EEFSEC: variants seen among roughly 807,000 people sequenced by gnomAD.
EEFSEC encodes selenocysteine-specific elongation factor.
A neutral mutation model predicts 42.1 loss-of-function variants in EEFSEC; 43 were observed. That is an observed-to-expected ratio of 1.02 (90% CI 0.80 to 1.32). The LOEUF (loss-of-function observed/expected upper bound fraction) is 1.32, where lower values mean the gene tolerates loss of function less well. Ranked by LOEUF, EEFSEC falls within the 40% of genes most tolerant of loss-of-function variation. EEFSEC has a pLI of 0.00. For synonymous variants in EEFSEC, 354 were observed against 339.1 expected (o/e 1.04, Z -0.48); for missense variants, 745 against 803.6 (o/e 0.93, Z 0.88).
rs551966940 is a variant in EEFSEC at position 128,358,328 on chromosome 3, G to A, written c.1555G>A (p.Asp519Asn). 30 of 1,614,230 alleles carry A rather than the reference G, an allele frequency of 1.9e-5. No individual in the cohort carries two copies. The Middle Eastern group carries it at 9.9e-4, about 53-fold the overall frequency. Residue 519 changes from aspartate (D) to asparagine (N), a missense_variant, in exon 6 of 7, where the codon GAC (aspartate) becomes AAC (asparagine). Asp to Asn is a conservative substitution (Grantham distance 23, BLOSUM62 1). Coordinates refer to ENST00000254730, the MANE Select transcript of EEFSEC (RefSeq NM_021937.5). ...GTCCACTGGGGAACTGGGCATCATC[G>A]ACAGTGCCTTCGGCCAGAGCGGCAA... is the stretch of plus-strand genomic sequence containing the variant. ...HLSTGELGII[D>N]SAFGQSGKFK...
At chr3:128,218,971 G>A (rs2955130) in intron 1 of EEFSEC, among the ~76,000 whole-genome samples, 130,629 of 152,234 alleles carry the variant, frequency 0.86, 56,264 homozygotes, top group East Asian at 0.99. Context: ...TGTACATAAT[G>A]TCCAGCGCCT....
At chr3:128,379,100 C>G (rs931765986) in intron 6 of EEFSEC, among the ~76,000 whole-genome samples, 6 of 152,194 alleles carry the variant, frequency 3.9e-5, no homozygotes, top group Non-Finnish European at 8.8e-5. Flanking sequence ...GGATCTTGCC[C>G]CAGTGTCTGT....
rs190987008 is a variant in EEFSEC, at chr3:128,286,176, G to T, written c.786+21395G>T. ...TCATGAATTTTTACTGCTGTATGGG[G>T]TCCTATTACATGACTTGACTATAGT... On this transcript the variant is annotated intron_variant, in intron 4 of 6. Transcript: ENST00000254730. Among the ~76,000 whole-genome samples the T allele has an allele frequency of 5.4e-3, 821 of 152,312 alleles. 4 individuals are homozygous for T. The highest frequency in any genetic ancestry group is 7.5e-3 in the Non-Finnish European group (510 of 68,030).
At chr3:128,355,221 C>G (rs536362283) in intron 5 of EEFSEC, among the ~76,000 whole-genome samples, 19 of 152,268 alleles carry the variant, frequency 1.2e-4, no homozygotes, top group Admixed American at 5.2e-4. Context: ...AGGAGGGAGA[C>G]AGATAGGTCA....
At chr3:128,327,099 C>T (rs1036331459) in intron 4 of EEFSEC, among the ~76,000 whole-genome samples, 3 of 152,230 alleles carry the variant, frequency 2.0e-5, no homozygotes, top group African/African-American at 7.2e-5. Flanking sequence ...CACGTGTGCT[C>T]ATCAGTGTGG....
chr3:128,305,731 A>C (rs944607597), intron 4 of EEFSEC, among the ~76,000 whole-genome samples: 18 of 152,132 alleles, frequency 1.2e-4, no homozygotes, highest in African/African-American at 4.3e-4. Context: ...GTTTTTAAGA[A>C]CTTGCAATTG....
At chr3:128,373,844 A>C (rs7622414) in intron 6 of EEFSEC, among the ~76,000 whole-genome samples, 1,712 of 152,312 alleles carry the variant, frequency 0.011, 29 homozygotes, top group African/African-American at 0.039. Context: ...CAGTCCCATT[A>C]GAGAGAAAGC....
intron 6 of EEFSEC, among the ~76,000 whole-genome samples, chr3:128,378,005 C>T (rs964895691): frequency 6.6e-6 from 1 of 152,208 alleles, no homozygotes; most frequent in African/African-American, 2.4e-5. Flanking sequence ...TAAAGAGATT[C>T]AGAAGAAGAA....
chr3:128,302,520 A>T (rs1166616373), intron 4 of EEFSEC, among the ~76,000 whole-genome samples: 7 of 152,146 alleles, frequency 4.6e-5, no homozygotes, highest in Non-Finnish European at 8.8e-5. Flanking sequence ...TATTTTTTTA[A>T]AAAAGTTTGG....
At chr3:128,173,095 C>T (rs187166940) in intron 1 of EEFSEC, among the ~76,000 whole-genome samples, 372 of 152,304 alleles carry the variant, frequency 2.4e-3, no homozygotes, top group Non-Finnish European at 4.6e-3. Flanking sequence ...GGGTGGCCTT[C>T]ATGTTTGCTT....
intron 1 of EEFSEC, among the ~76,000 whole-genome samples, chr3:128,207,184 CCT>C (rs1223112464): frequency 6.6e-6 from 1 of 151,196 alleles, no homozygotes; most frequent in African/African-American, 2.4e-5. Flanking sequence ...TTCCTGCTCC[CCT>C]CTCTCCCTCT....
rs2068137839 is a variant in EEFSEC, at chr3:128,407,929, G to A, written c.1601-140G>A. 3 of 774,816 alleles carry A rather than the reference G, an allele frequency of 3.9e-6. No individual in the cohort carries two copies. The South Asian group carries it at 6.2e-5, about 16-fold the overall frequency. The allele number at this position is 774,816 out of a possible 1,614,324, so 48.0% of individuals were successfully genotyped here. A position where few individuals can be genotyped will look rare whatever the true frequency, so the allele number is the denominator to read the frequency against. On this transcript the variant is annotated intron_variant, in intron 6 of 6. Transcript: ENST00000254730. Reference sequence around the variant, plus strand: ...GGGTGCCGGAGGGACCAAAATGTCAGAATGGACCACAGGCCTCAGGGCTGA... The same window carrying A: ...GGGTGCCGGAGGGACCAAAATGTCAAAATGGACCACAGGCCTCAGGGCTGA...
At chr3:128,269,747 A>G (rs1236695814) in intron 4 of EEFSEC, among the ~76,000 whole-genome samples, 1 of 152,232 alleles carries the variant, frequency 6.6e-6, no homozygotes, top group Non-Finnish European at 1.5e-5. Context: ...GGAGAAAAAA[A>G]TTCCATTTAG....
chr3:128,182,461 C>G (rs1344597937), intron 1 of EEFSEC, among the ~76,000 whole-genome samples: 1 of 152,176 alleles, frequency 6.6e-6, no homozygotes, highest in Non-Finnish European at 1.5e-5. Flanking sequence ...TTCCTTCTGT[C>G]TCTGTGTTTC....
intron 4 of EEFSEC, among the ~76,000 whole-genome samples, chr3:128,315,838 A>G (rs2066939266): frequency 6.6e-6 from 1 of 152,170 alleles, no homozygotes; most frequent in Non-Finnish European, 1.5e-5. Context: ...GCTATATGTT[A>G]TACATTTGTA....
At chr3:128,193,800 G>A (rs1443686562) in intron 1 of EEFSEC, among the ~76,000 whole-genome samples, 1 of 152,288 alleles carries the variant, frequency 6.6e-6, no homozygotes, top group African/African-American at 2.4e-5. Flanking sequence ...CTAGTTGCTC[G>A]GCTGTCCCTC....
chr3:128,264,615 A>T lies in EEFSEC; in HGVS notation c.622-2A>T. ...ACTGTGGCACCAGTTTCTCTTTTCT[A>T]GCTCCTGACGTCCCAGATTTCCATC... On this transcript the variant is annotated splice_acceptor_variant, in intron 3 of 6. Coordinates refer to ENST00000254730, the MANE Select transcript of EEFSEC (RefSeq NM_021937.5). LOFTEE classifies it high-confidence loss of function. The T allele has an allele frequency of 1.9e-6, 3 of 1,612,868 alleles. No homozygotes were observed. The highest frequency in any genetic ancestry group is 2.5e-6 in the Non-Finnish European group (3 of 1,179,420).
chr3:128,421,922 C>G, the EEFSEC span, among the ~76,000 whole-genome samples: 2,813 of 152,286 alleles, frequency 0.018, 84 homozygotes, highest in African/African-American at 0.061. Context: ...GGACAGAGAG[C>G]TCCCTCCGCA....
At chr3:128,379,534 AAC>A (rs1284155512) in intron 6 of EEFSEC, among the ~76,000 whole-genome samples, 4 of 152,224 alleles carry the variant, frequency 2.6e-5, no homozygotes, top group Admixed American at 2.6e-4. Context: ...AATTAACATA[AAC>A]ACAGCCTAGT....
Sources: gnomAD v4.1 joint callset for allele counts (sites outside exome capture counted in the v4.1 genomes callset) on GRCh38, gnomAD v4.1.1 for gene constraint, MANE v1.5 for transcripts, NCBI Gene and HGNC (gene_info 2026-07-23, HGNC 2026-07-21) for gene names.